ID3: variants seen among roughly 807,000 people sequenced by gnomAD.
ID3 encodes the protein DNA-binding protein inhibitor ID-3.
A neutral mutation model predicts 9.6 loss-of-function variants in ID3; 4 were observed. The observed-to-expected ratio is 0.42, with a 90% CI of 0.21 to 0.96. The LOEUF (loss-of-function observed/expected upper bound fraction) is 0.96. Among genes scored for constraint, ID3 ranks in the 40% least tolerant of loss-of-function variants. ID3 has a pLI of 0.30. For synonymous variants in ID3, 108 were observed against 75.2 expected (o/e 1.44, Z -2.26); for missense variants, 191 against 164.5 (o/e 1.16, Z -0.88).
chr1:23,559,184 C>T lies in ID3; in HGVS notation c.243G>A (p.Gln81=). 1.2e-6 allele frequency: 2 copies of T among 1,614,220 alleles called. No individual in the cohort carries two copies. The highest frequency in any genetic ancestry group is 1.3e-5 in the African/African-American group (1 of 75,062). ...QRVIDYILDL[Q]VVLAEPAPGP... ...CAGGGGCTGGCTCGGCCAGGACTAC[C>T]TGCAGGTCGAGAATGTAGTCGATGA... Residue 81 remains glutamine, a synonymous_variant, in exon 1 of 3, where the codon CAG becomes CAA. Coordinates refer to ENST00000374561, the MANE Select transcript of ID3 (RefSeq NM_002167.5).
At position 23,559,494 on chromosome 1, in the gene ID3, T is replaced by C. The variant is rs143821405; in HGVS notation, c.-68A>G. On this transcript the variant is annotated 5_prime_UTR_variant, in exon 1 of 3. Coordinates refer to ENST00000374561, the MANE Select transcript of ID3 (RefSeq NM_002167.5). ...CAAAAGAAGTCCCGCTACAGTGACC[T>C]GCAACGCGCGCACGCTCGCCGCGGC... is the stretch of plus-strand genomic sequence containing the variant. The C allele has an allele frequency of 5.3e-4, 794 of 1,505,452 alleles. 2 individuals carry two copies. In the African/African-American group the frequency reaches 8.5e-3, roughly 16 times the overall value. 93.3% of individuals were successfully genotyped at this position (1,505,452 alleles called of 1,614,324 possible).
chr1:23,559,182 A>C lies in ID3; in HGVS notation c.245T>G (p.Val82Gly), dbSNP rs972563455. 1.9e-6 allele frequency: 3 copies of C among 1,613,950 alleles called. No homozygotes were observed. The highest frequency in any genetic ancestry group is 1.7e-6 in the Non-Finnish European group (2 of 1,179,952). The change falls in exon 1 of 3, where the codon GTA (valine) becomes GGA (glycine). Residue 82 changes from valine (V) to glycine (G), a missense_variant. Transcript: ENST00000374561. ...RVIDYILDLQ[V>G]VLAEPAPGPP... ...TCCAGGGGCTGGCTCGGCCAGGACT[A>C]CCTGCAGGTCGAGAATGTAGTCGAT...
Position 23,558,913 on chromosome 1 carries a change from C to T in ID3, c.*25+22G>A, listed in dbSNP as rs780016646. On this transcript the variant is annotated intron_variant, in intron 2 of 2. Coordinates refer to ENST00000374561, the MANE Select transcript of ID3 (RefSeq NM_002167.5). Reference sequence around the variant, plus strand: ...CAGGACTTGCCGTTTAAACCTCCCTCTCCAAGAGAGGAGATACTCACCTGG... The same window carrying T: ...CAGGACTTGCCGTTTAAACCTCCCTTTCCAAGAGAGGAGATACTCACCTGG... The T allele has an allele frequency of 9.6e-6, 15 of 1,556,950 alleles. No homozygotes were observed. The Middle Eastern group carries it at 5.0e-4, about 52-fold the overall frequency.
In ID3 at chr1:23,559,172, G is replaced by A. The variant is rs139428797; in HGVS notation, c.255C>T (p.Ala85=). The change falls in exon 1 of 3, where the codon GCC becomes GCT. Residue 85 remains alanine (A), a synonymous_variant. Transcript: ENST00000374561. ...CATCAGGGGGTCCAGGGGCTGGCTC[G>A]GCCAGGACTACCTGCAGGTCGAGAA... ...DYILDLQVVL[A]EPAPGPPDGP... 86 of 1,614,068 alleles carry A rather than the reference G, an allele frequency of 5.3e-5. No individual in the cohort carries two copies. The highest frequency in any genetic ancestry group is 5.4e-5 in the Non-Finnish European group (64 of 1,180,050).
rs924597541 is a variant in ID3, at chr1:23,558,854, G to GT, written c.*25+80dup. 4.6e-4 allele frequency: 413 copies of GT among 900,452 alleles called. 2 individuals carry two copies. The African/African-American group carries it at 4.9e-3, about 11-fold the overall frequency. The allele number at this position is 900,452 out of a possible 1,614,324, so 55.8% of individuals were successfully genotyped here. On this transcript the variant is annotated intron_variant, in intron 2 of 2. Transcript: ENST00000374561. Reference sequence around the variant, plus strand: ...TCTGGCCTCAGTTTCCCTAAACCGAGTGAGTGGCAATTTTTCAAAACGTCT... The same window carrying GT: ...TCTGGCCTCAGTTTCCCTAAACCGAGTTGAGTGGCAATTTTTCAAAACGTCT...
Position 23,559,475 on chromosome 1 carries a change from A to C in ID3, c.-49T>G. 1 of 1,573,614 alleles carries C rather than the reference A, an allele frequency of 6.4e-7. No homozygotes were observed. Among genetic ancestry groups the C allele is most frequent in the Non-Finnish European group, 8.6e-7 (1 of 1,159,058 alleles). Reference sequence around the variant, plus strand: ...CCCCAAAGAGAAAGAAAACCAAAAGAAGTCCCGCTACAGTGACCTGCAACG... The same window carrying C: ...CCCCAAAGAGAAAGAAAACCAAAAGCAGTCCCGCTACAGTGACCTGCAACG... On this transcript the variant is annotated 5_prime_UTR_variant, in exon 1 of 3. Coordinates refer to ENST00000374561, the MANE Select transcript of ID3 (RefSeq NM_002167.5).
Position 23,559,300 on chromosome 1 carries a change from C to G in ID3, c.127G>C (p.Asp43His). The change falls in exon 1 of 3, where the codon GAC becomes CAC. Residue 43 changes from aspartate to histidine, a missense_variant. Physicochemically the swap from Asp to His is moderately conservative, Grantham distance 81 (BLOSUM62 -1). Transcript: ENST00000374561. ...AGGCGGGAGTAGCAGTGGTTCATGT[C>G]GTCCAGCAAGCTCAGCGGCTCCTCA... is the stretch of plus-strand genomic sequence containing the variant. ...AAEEPLSLLD[D>H]MNHCYSRLRE... 1.2e-6 allele frequency: 2 copies of G among 1,614,016 alleles called. No homozygotes were observed. The highest frequency in any genetic ancestry group is 1.7e-6 in the Non-Finnish European group (2 of 1,180,038).
chr1:23,559,250 C>G lies in ID3; in HGVS notation c.177G>C (p.Pro59=), dbSNP rs148870313. The part of the protein sequence containing the change: ...SRLRELVPGV[P]RGTQLSQVEI... ...CCACCTGGCTAAGCTGAGTGCCTCT[C>G]GGGACTCCGGGTACCAGTTCCCGCA... Residue 59 remains proline, a synonymous_variant, in exon 1 of 3, where the codon CCG becomes CCC. Transcript: ENST00000374561. 1.9e-6 allele frequency: 3 copies of G among 1,614,064 alleles called. No individual in the cohort carries two copies. The highest frequency in any genetic ancestry group is 2.5e-6 in the Non-Finnish European group (3 of 1,180,046).
intron 2 of ID3, chr1:23,558,722 A>G (rs1643679152): frequency 1.1e-5 from 6 of 556,514 alleles, no homozygotes; most frequent in African/African-American, 1.9e-5. Flanking sequence ...ACCCTCGGCC[A>G]CTGCGGGAGG....
chr1:23,559,403 G>A lies in ID3; in HGVS notation c.24C>T (p.Arg8=), dbSNP rs751826103. 6.2e-7 allele frequency: 1 copy of A among 1,612,314 alleles called. No individual in the cohort carries two copies. Residue 8 remains arginine (R), a synonymous_variant, in exon 1 of 3, where the codon CGC becomes CGT. Transcript: ENST00000374561. ...GGCAGCACACCGCCTCGTAGCAGCC[G>A]CGCACCGGGCTCAGCGCCTTCATGC... MKALSPV[R]GCYEAVCCLS...
rs1279261016 is a variant in ID3, at chr1:23,559,472, AAG to A, written c.-48_-47del. On this transcript the variant is annotated 5_prime_UTR_variant, in exon 1 of 3. Transcript: ENST00000374561. ...GTGCCCCAAAGAGAAAGAAAACCAA[AAG>A]AAGTCCCGCTACAGTGACCTGCAAC... The A allele has an allele frequency of 7.0e-6, 11 of 1,579,584 alleles. No homozygotes were observed. The highest frequency in any genetic ancestry group is 9.5e-6 in the Non-Finnish European group (11 of 1,161,738).
Position 23,559,114 on chromosome 1 carries a change from C to G in ID3, c.300+13G>C. On this transcript the variant is annotated intron_variant, in intron 1 of 2. Transcript: ENST00000374561. The stretch of plus-strand genomic sequence containing the variant: ...GCCTGGGTGTTCAGCCCTGTCCCGA[C>G]TTCGAGGCTTACCTGGATGGGAAGG... The G allele has an allele frequency of 6.2e-7, 1 of 1,613,484 alleles. No homozygotes were observed. The highest frequency in any genetic ancestry group is 8.5e-7 in the Non-Finnish European group (1 of 1,179,408).
Position 23,558,943 on chromosome 1 carries a change from G to T in ID3, c.*17C>A, listed in dbSNP as rs549003915. 2.4e-5 allele frequency: 38 copies of T among 1,611,298 alleles called. No homozygotes were observed. The Admixed American group carries it at 5.2e-4, about 22-fold the overall frequency. On this transcript the variant is annotated 3_prime_UTR_variant, in exon 2 of 3. Coordinates refer to ENST00000374561, the MANE Select transcript of ID3 (RefSeq NM_002167.5). ...AGAGAGGAGATACTCACCTGGAGGT[G>T]TCAGGACACGGCCGAGTCAGTGGCA... is the stretch of plus-strand genomic sequence containing the variant.
chr1:23,559,328 T>TGCC lies in ID3; in HGVS notation c.96_98dup (p.Ala34dup). ...CCAGCAAGCTCAGCGGCTCCTCAGC[T>TGCC]GCCGGGCCCTTCCCTCGGCCCCGGG... On this transcript the variant is annotated inframe_insertion, in exon 1 of 3. Coordinates refer to ENST00000374561, the MANE Select transcript of ID3 (RefSeq NM_002167.5). The TGCC allele has an allele frequency of 6.2e-7, 1 of 1,613,654 alleles. No individual in the cohort carries two copies. Among genetic ancestry groups the TGCC allele is most frequent in the Non-Finnish European group, 8.5e-7 (1 of 1,180,038 alleles).
chr1:23,559,499 C>A lies in ID3; in HGVS notation c.-73G>T, dbSNP rs1350235716. On this transcript the variant is annotated 5_prime_UTR_variant, in exon 1 of 3. Coordinates refer to ENST00000374561, the MANE Select transcript of ID3 (RefSeq NM_002167.5). Reference sequence around the variant, plus strand: ...GAAGTCCCGCTACAGTGACCTGCAACGCGCGCACGCTCGCCGCGGCGGTCA... The same window carrying A: ...GAAGTCCCGCTACAGTGACCTGCAAAGCGCGCACGCTCGCCGCGGCGGTCA... The A allele has an allele frequency of 6.7e-7, 1 of 1,485,906 alleles. No homozygotes were observed. The highest frequency in any genetic ancestry group is 1.4e-5 in the African/African-American group (1 of 71,314). 92.0% of individuals were successfully genotyped at this position (1,485,906 alleles called of 1,614,324 possible).
Position 23,558,016 on chromosome 1 carries a change from C to T in ID3, c.*425G>A, listed in dbSNP as rs779149325. On this transcript the variant is annotated 3_prime_UTR_variant, in exon 3 of 3. Transcript: ENST00000374561. ...TCGCATTGTTACAGAAAGTCACCTT[C>T]CTGTAAAAAAGGTACAAAACCTATA... is the stretch of plus-strand genomic sequence containing the variant. 1.3e-5 allele frequency: 2 copies of T among 152,620 alleles called. No homozygotes were observed. The highest frequency in any genetic ancestry group is 4.8e-5 in the African/African-American group (2 of 41,426). The allele number at this position is 152,620 out of a possible 1,614,324, so 9.5% of individuals were successfully genotyped here. A position where few individuals can be genotyped will look rare whatever the true frequency, so the allele number is the denominator to read the frequency against.
Position 23,559,112 on chromosome 1 carries a change from G to A in ID3, c.300+15C>T, listed in dbSNP as rs1643685620. On this transcript the variant is annotated intron_variant, in intron 1 of 2. Transcript: ENST00000374561. ...TTGCCTGGGTGTTCAGCCCTGTCCC[G>A]ACTTCGAGGCTTACCTGGATGGGAA... 3 of 1,613,304 alleles carry A rather than the reference G, an allele frequency of 1.9e-6. No homozygotes were observed. Among genetic ancestry groups the A allele is most frequent in the East Asian group, 2.2e-5 (1 of 44,834 alleles).
At chr1:23,558,914 T>A (rs1260531701) in intron 2 of ID3, 21 bp downstream of exon 2, 1 of 1,559,988 alleles carries the variant, frequency 6.4e-7, no homozygotes, top group Non-Finnish European at 8.8e-7. Flanking sequence ...AACCTCCCTC[T>A]CCAAGAGAGG....
rs1643691940 is a variant in ID3, at chr1:23,559,416, A to C, written c.11T>G (p.Leu4Arg). 1 of 1,612,016 alleles carries C rather than the reference A, an allele frequency of 6.2e-7. No homozygotes were observed. The highest frequency in any genetic ancestry group is 8.5e-7 in the Non-Finnish European group (1 of 1,179,410). Residue 4 changes from leucine to arginine, a missense_variant, in exon 1 of 3, where the codon CTG becomes CGG. Leu to Arg is a moderately radical substitution (Grantham distance 102). Transcript: ENST00000374561. Reference sequence around the variant, plus strand: ...CTCGTAGCAGCCGCGCACCGGGCTCAGCGCCTTCATGCTGGGGAGTGAGTC... The same window carrying C: ...CTCGTAGCAGCCGCGCACCGGGCTCCGCGCCTTCATGCTGGGGAGTGAGTC... MKALSPVRGCYEAV... is the reference protein window; with the variant it reads MKARSPVRGCYEAV...
Sources: gnomAD v4.1 joint callset for allele counts on GRCh38, gnomAD v4.1.1 for gene constraint, MANE v1.5 for transcripts, NCBI Gene and HGNC (gene_info 2026-07-23, HGNC 2026-07-21) for gene names.